USP12: variants seen among roughly 807,000 people sequenced by gnomAD.
USP12 encodes the protein ubiquitin specific peptidase 12.
In USP12, 19 loss-of-function variants were observed where a neutral mutation model predicts 45.5. The observed-to-expected ratio is 0.42, with a 90% CI of 0.29 to 0.61. The LOEUF is 0.61. Ranked by LOEUF, USP12 falls within the 20% of genes least tolerant of loss-of-function variation. The pLI, the probability that USP12 is intolerant of heterozygous loss-of-function variation, is 0.22. For synonymous variants in USP12, 149 were observed against 148.8 expected (o/e 1.00, Z -0.01); for missense variants, 242 against 447.7 (o/e 0.54, Z 4.15).
intron 3 of USP12, among the ~76,000 whole-genome samples, chr13:27,097,324 G>C (rs1874635344): frequency 6.6e-6 from 1 of 152,130 alleles, no homozygotes; most frequent in East Asian, 1.9e-4. Context: ...AATTCACTGG[G>C]CATGGTGGCA....
intron 1 of USP12, among the ~76,000 whole-genome samples, chr13:27,125,633 G>A (rs1377076277): frequency 2.0e-5 from 3 of 152,256 alleles, no homozygotes; most frequent in African/African-American, 7.2e-5. Flanking sequence ...CACGGAGGGT[G>A]AGCGGAAGCA....
At chr13:27,078,609 G>T (rs1318809302) in intron 6 of USP12, among the ~76,000 whole-genome samples, 1 of 151,174 alleles carries the variant, frequency 6.6e-6, no homozygotes, top group African/African-American at 2.4e-5. Context: ...AAGTAAACTG[G>T]CTATACTAAT....
chr13:27,095,694 A>G lies in USP12; in HGVS notation c.480T>C (p.Asn160=), dbSNP rs373565496. The change falls in exon 4 of 9, where the codon AAT becomes AAC. Residue 160 remains asparagine, a synonymous_variant. Transcript: ENST00000282344. ...NGRLPNGNID[N]ENNNSTPDPT... ...GGTCTGGTGTGCTGTTATTATTTTC[A>G]TTATCAATATTACCATTAGGTAAAC... The G allele has an allele frequency of 1.5e-4, 240 of 1,613,116 alleles. 3 individuals are homozygous for G. Among genetic ancestry groups the G allele is most frequent in the Middle Eastern group, 4.9e-4 (3 of 6,066 alleles).
intron 1 of USP12, among the ~76,000 whole-genome samples, chr13:27,121,410 C>T (rs918017305): frequency 3.9e-5 from 6 of 152,120 alleles, no homozygotes; most frequent in African/African-American, 1.4e-4. Context: ...TACAAATTCG[C>T]TCTGGAATGA....
intron 4 of USP12, among the ~76,000 whole-genome samples, chr13:27,090,842 AT>A: frequency 6.6e-6 from 1 of 152,314 alleles, no homozygotes; most frequent in East Asian, 1.9e-4. Context: ...ATACATCAAA[AT>A]TATTATTAGC....
intron 1 of USP12, among the ~76,000 whole-genome samples, chr13:27,126,038 G>A (rs1429109603): frequency 6.6e-6 from 1 of 152,248 alleles, no homozygotes; most frequent in Non-Finnish European, 1.5e-5. Context: ...ACCTCTGGGG[G>A]CAGGGCATAT....
chr13:27,099,133 T>C (rs528144994), intron 3 of USP12, among the ~76,000 whole-genome samples: 1 of 152,270 alleles, frequency 6.6e-6, no homozygotes, highest in South Asian at 2.1e-4. Context: ...TTTAAGTGCA[T>C]AGAAAAGGGT....
chr13:27,071,876 G>T (rs1873259192), intron 7 of USP12, among the ~76,000 whole-genome samples: 1 of 152,014 alleles, frequency 6.6e-6, no homozygotes, highest in African/African-American at 2.4e-5. Context: ...TTTAAGTATG[G>T]TTCATTATAA....
chr13:27,169,249 G>A (rs1048922786), intron 1 of USP12: 2 of 152,134 alleles, frequency 1.3e-5, no homozygotes, highest in Admixed American at 1.3e-4. Flanking sequence ...TGGAGGGTCG[G>A]GTTGGACAGG....
intron 1 of USP12, among the ~76,000 whole-genome samples, chr13:27,136,489 A>T (rs1437232457): frequency 6.6e-6 from 1 of 152,098 alleles, no homozygotes; most frequent in African/African-American, 2.4e-5. Flanking sequence ...CAAGAATGAA[A>T]GCCCGCCTCA....
At chr13:27,084,288 A>G (rs1021418461) in intron 6 of USP12, among the ~76,000 whole-genome samples, 2 of 151,774 alleles carry the variant, frequency 1.3e-5, no homozygotes, top group Non-Finnish European at 2.9e-5. Flanking sequence ...CAGGCAGATC[A>G]CAAGGTCAAA....
At chr13:27,124,315 A>C (rs1447605327) in intron 1 of USP12, among the ~76,000 whole-genome samples, 2 of 152,356 alleles carry the variant, frequency 1.3e-5, no homozygotes, top group East Asian at 3.9e-4. Context: ...TGGCTAAAAA[A>C]TGGTGTCTAT....
rs111451830 is a variant in USP12 at position 27,094,183 on chromosome 13, T to TTA, written c.573+1417_573+1418insTA. Among the ~76,000 whole-genome samples, 11 of 142,016 alleles carry TTA rather than the reference T, an allele frequency of 7.7e-5. 1 individual carries two copies. The highest frequency in any genetic ancestry group is 3.7e-3 in the Middle Eastern group (1 of 270). 93.2% of individuals were successfully genotyped at this position (142,016 alleles called of 152,430 possible). On this transcript the variant is annotated intron_variant, in intron 4 of 8. Coordinates refer to ENST00000282344, the MANE Select transcript of USP12 (RefSeq NM_182488.4). ...ACTGCCTACTAATTGCAAGGGGATT[T>TTA]AAAAAAAAAAAAAAAAGTCATCATA...
At position 27,156,067 on chromosome 13, in the gene USP12, TGAG is replaced by T. The variant is rs1322242466; in HGVS notation, c.48+15522_48+15524del. Reference sequence around the variant, plus strand: ...GATTATCAACAGTTGCTAAAAACCATGAGGTAAAAAGCTGCCAGCAGCTCCGTA... The same window carrying T: ...GATTATCAACAGTTGCTAAAAACCATGTAAAAAGCTGCCAGCAGCTCCGTA... On this transcript the variant is annotated intron_variant, in intron 1 of 8. Coordinates refer to ENST00000282344, the MANE Select transcript of USP12 (RefSeq NM_182488.4). Among the ~76,000 whole-genome samples the T allele has an allele frequency of 3.3e-5, 5 of 152,184 alleles. No individual in the cohort carries two copies. The East Asian group carries it at 9.6e-4, about 29-fold the overall frequency.
At chr13:27,156,092 C>T (rs1386887551) in intron 1 of USP12, among the ~76,000 whole-genome samples, 2 of 152,050 alleles carry the variant, frequency 1.3e-5, no homozygotes, top group Admixed American at 6.6e-5. Flanking sequence ...CCAGCAGCTC[C>T]GTAACAGAAG....
intron 1 of USP12, among the ~76,000 whole-genome samples, chr13:27,133,111 C>T (rs1022031388): frequency 6.6e-6 from 1 of 152,218 alleles, no homozygotes; most frequent in African/African-American, 2.4e-5. Flanking sequence ...GCTGTTGTCT[C>T]TCTAATCCTA....
intron 1 of USP12, among the ~76,000 whole-genome samples, chr13:27,162,384 C>T (rs923270123): frequency 1.3e-5 from 2 of 152,170 alleles, no homozygotes; most frequent in Non-Finnish European, 2.9e-5. Context: ...AAACCTGCAA[C>T]ACATTGCCCT....
chr13:27,168,114 T>C (rs1279746278), intron 1 of USP12, among the ~76,000 whole-genome samples: 1 of 152,190 alleles, frequency 6.6e-6, no homozygotes, highest in Non-Finnish European at 1.5e-5. Flanking sequence ...GGGACTCTCC[T>C]AGCACCTACC....
At chr13:27,103,607 A>AAT (rs1555234499) in intron 3 of USP12, among the ~76,000 whole-genome samples, 36 of 128,510 alleles carry the variant, frequency 2.8e-4, no homozygotes, top group Middle Eastern at 4.1e-3. Context: ...TCAAAAAAAA[A>AAT]AATAATAATA....
Sources: gnomAD v4.1 joint callset for allele counts (sites outside exome capture counted in the v4.1 genomes callset) on GRCh38, gnomAD v4.1.1 for gene constraint, MANE v1.5 for transcripts, NCBI Gene and HGNC (gene_info 2026-07-23, HGNC 2026-07-21) for gene names.